Variants in INSL6 observed in about 807,000 individuals in gnomAD.
INSL6 encodes insulin like 6, also known as insulin-like peptide INSL6.
In INSL6, 16 loss-of-function variants were observed where a neutral mutation model predicts 9.4. The ratio of observed to expected loss-of-function variants is 1.70; its 90% CI spans 1.15 to 2.59. INSL6 has a LOEUF of 2.59. INSL6 is among the 30% of genes most tolerant of loss of function. The pLI is 0.00. For missense variants in INSL6, 391 were observed against 257.3 expected (o/e 1.52, Z -3.56); for synonymous variants, 154 against 96.9 (o/e 1.59, Z -3.46).
At chr9:5,059,550 A>C in the INSL6 span, among the ~76,000 whole-genome samples, 1 of 152,070 alleles carries the variant, frequency 6.6e-6, no homozygotes, top group Admixed American at 6.6e-5. Context: ...TGGTGGACTT[A>C]TGCACTCTTT....
At chr9:5,099,680 T>G in the INSL6 span, 7 of 152,194 alleles carry the variant, frequency 4.6e-5, no homozygotes, top group African/African-American at 2.4e-5. Context: ...AGTAACCGAT[T>G]ATTTTCTATT....
the INSL6 span, chr9:5,044,571 C>T: frequency 2.6e-6 from 3 of 1,151,302 alleles, no homozygotes; most frequent in African/African-American, 4.7e-5. Context: ...AAATATCTTG[C>T]TGTTTAATAA....
the INSL6 span, chr9:5,091,570 A>G: frequency 6.6e-6 from 1 of 151,966 alleles, no homozygotes; most frequent in Admixed American, 6.6e-5. Flanking sequence ...CATTGTTAGT[A>G]TTTTTGTCGC....
At chr9:5,021,556 T>C in the INSL6 span, among the ~76,000 whole-genome samples, 1 of 152,276 alleles carries the variant, frequency 6.6e-6, no homozygotes, top group Non-Finnish European at 1.5e-5. Context: ...CAGCCATTGC[T>C]GTCAAGGAGC....
At chr9:5,153,492 GAGAA>G (rs1488009904) in intron 2 of INSL6, among the ~76,000 whole-genome samples, 1 of 152,224 alleles carries the variant, frequency 6.6e-6, no homozygotes, top group Non-Finnish European at 1.5e-5. Flanking sequence ...CCTCAGGCAA[GAGAA>G]AGAAATAAAA....
chr9:5,042,609 A>G, the INSL6 span, among the ~76,000 whole-genome samples: 1 of 94,224 alleles, frequency 1.1e-5, no homozygotes, highest in East Asian at 2.6e-4. Flanking sequence ...AGGCCCAGCC[A>G]GCTGCCCCCG....
At chr9:5,048,511 A>G in the INSL6 span, among the ~76,000 whole-genome samples, 4 of 152,144 alleles carry the variant, frequency 2.6e-5, no homozygotes, top group Admixed American at 2.0e-4. Flanking sequence ...ATCATCTTCT[A>G]CTTAAACAGT....
the INSL6 span, chr9:5,044,429 G>C: frequency 1.2e-6 from 2 of 1,612,476 alleles, no homozygotes; most frequent in Non-Finnish European, 1.7e-6. Context: ...TGGTATTGCA[G>C]TGGCAGCAAC....
the INSL6 span, among the ~76,000 whole-genome samples, chr9:5,096,429 A>C: frequency 6.6e-6 from 1 of 152,102 alleles, no homozygotes; most frequent in East Asian, 1.9e-4. Flanking sequence ...TGGAATTCAA[A>C]CCCACAAAAA....
chr9:5,050,591 A>G, the INSL6 span: 15 of 1,289,984 alleles, frequency 1.2e-5, no homozygotes, highest in African/African-American at 6.1e-5. Context: ...TTGTAAATGC[A>G]TATGTTCTGA....
At chr9:5,156,964 C>G (rs1564045492) in intron 2 of INSL6, among the ~76,000 whole-genome samples, 1 of 152,114 alleles carries the variant, frequency 6.6e-6, no homozygotes, top group Non-Finnish European at 1.5e-5. Flanking sequence ...TTGCAGTGAG[C>G]TGAGACTGCG....
chr9:5,073,482 A>G, the INSL6 span, among the ~76,000 whole-genome samples: 1 of 151,992 alleles, frequency 6.6e-6, no homozygotes, highest in African/African-American at 2.4e-5. Flanking sequence ...GCTCTCTCTC[A>G]CTTTGATCTC....
the INSL6 span, among the ~76,000 whole-genome samples, chr9:5,021,543 T>A: frequency 6.6e-6 from 1 of 152,268 alleles, no homozygotes; most frequent in Non-Finnish European, 1.5e-5. Context: ...TTAATGGATT[T>A]GACAGCCATT....
chr9:5,174,936 G>C (rs1214413340), intron 1 of INSL6, among the ~76,000 whole-genome samples: 1 of 150,728 alleles, frequency 6.6e-6, no homozygotes, highest in Non-Finnish European at 1.5e-5. Context: ...ATGTTTTGGA[G>C]TCATTCTTTT....
downstream of INSL6, chr9:5,163,779 A>G: frequency 1.6e-6 from 1 of 635,206 alleles, no homozygotes; most frequent in East Asian, 2.7e-5. Context: ...TTACCACTAT[A>G]AGGTATGGTC....
At chr9:5,122,930 C>A, downstream of INSL6, 3 of 865,394 alleles carry the variant, frequency 3.5e-6, no homozygotes, top group Non-Finnish European at 5.4e-6. Flanking sequence ...TTAATTTATA[C>A]AATGATTTGC....
the INSL6 span, among the ~76,000 whole-genome samples, chr9:4,994,102 TA>T: frequency 6.6e-6 from 1 of 152,236 alleles, no homozygotes; most frequent in Non-Finnish European, 1.5e-5. Context: ...TAGTCTTTCT[TA>T]AATGTGTGTA....
the INSL6 span, among the ~76,000 whole-genome samples, chr9:5,015,156 A>G: frequency 6.6e-6 from 1 of 152,224 alleles, no homozygotes; most frequent in African/African-American, 2.4e-5. Flanking sequence ...GTATAAATGC[A>G]CAAAAGTATT....
At chr9:5,176,168 A>T (rs192578842) in intron 1 of INSL6, among the ~76,000 whole-genome samples, 1 of 152,272 alleles carries the variant, frequency 6.6e-6, no homozygotes, top group East Asian at 1.9e-4. Flanking sequence ...CATCAGGCAG[A>T]AGGGCCTCTG....
Sources: gnomAD v4.1 joint callset for allele counts (sites outside exome capture counted in the v4.1 genomes callset) on GRCh38, gnomAD v4.1.1 for gene constraint, MANE v1.5 for transcripts, NCBI Gene and HGNC (gene_info 2026-07-23, HGNC 2026-07-21) for gene names.